ZCWPW2: variants seen among roughly 807,000 people sequenced by gnomAD.
The protein encoded by ZCWPW2 is zinc finger CW-type and PWWP domain containing 2.
ZCWPW2 carries 45 observed loss-of-function variants against 46.6 expected under a neutral mutation model. The observed-to-expected ratio is 0.96, with a 90% CI of 0.76 to 1.24. ZCWPW2 has a LOEUF of 1.24. Among genes scored for constraint, ZCWPW2 ranks in the 50% most tolerant of loss-of-function variants. ZCWPW2 has a pLI of 0.00. For missense variants in ZCWPW2, 429 were observed against 403.9 expected (o/e 1.06, Z -0.53); for synonymous variants, 152 against 137.1 (o/e 1.11, Z -0.76).
At chr3:28,425,888 T>A (rs1696988142) in intron 3 of ZCWPW2, among the ~76,000 whole-genome samples, 1 of 152,128 alleles carries the variant, frequency 6.6e-6, no homozygotes, top group Admixed American at 6.6e-5. Context: ...GGCGGGAGGA[T>A]CACCTGAGGT....
chr3:28,517,130 CCTTCT>C (rs1700595742), intron 8 of ZCWPW2, among the ~76,000 whole-genome samples: 1 of 152,126 alleles, frequency 6.6e-6, no homozygotes, highest in South Asian at 2.1e-4. Context: ...TCCTCATCAC[CCTTCT>C]CTTTTATTAA....
intron 4 of ZCWPW2, among the ~76,000 whole-genome samples, chr3:28,443,416 A>G (rs935656760): frequency 6.6e-6 from 1 of 152,114 alleles, no homozygotes; most frequent in African/African-American, 2.4e-5. Context: ...AAGTCTGGAA[A>G]TTGATTGAGG....
rs920918884 is a variant in ZCWPW2, at chr3:28,392,635, G to A, written c.-14+2018G>A. ...ATAATTTCTGACCACAATGGTATAA[G>A]ATCAGGAACCAATAACAGGAAGAAT... is the stretch of plus-strand genomic sequence containing the variant. On this transcript the variant is annotated intron_variant, in intron 2 of 9. Transcript: ENST00000383768. Among the ~76,000 whole-genome samples the A allele has an allele frequency of 3.3e-5, 5 of 152,030 alleles. No homozygotes were observed. The East Asian group carries it at 9.6e-4, about 29-fold the overall frequency.
At chr3:28,466,889 G>A (rs1698845130) in intron 4 of ZCWPW2, among the ~76,000 whole-genome samples, 1 of 152,230 alleles carries the variant, frequency 6.6e-6, no homozygotes, top group Admixed American at 6.5e-5. Context: ...TATGGAAGAT[G>A]TCAGTTCTCC....
intron 4 of ZCWPW2, among the ~76,000 whole-genome samples, chr3:28,454,000 A>G (rs1273378815): frequency 6.6e-6 from 1 of 150,870 alleles, no homozygotes; most frequent in Non-Finnish European, 1.5e-5. Flanking sequence ...ACCCGCCACC[A>G]CGCCCGGCTA....
intron 4 of ZCWPW2, among the ~76,000 whole-genome samples, chr3:28,453,713 A>G (rs1029065338): frequency 1.3e-5 from 2 of 152,112 alleles, no homozygotes; most frequent in African/African-American, 4.8e-5. Context: ...ATAGCTGGAG[A>G]GTAACTTCTT....
chr3:28,417,599 C>G (rs1250702594), intron 3 of ZCWPW2, among the ~76,000 whole-genome samples: 1 of 148,176 alleles, frequency 6.7e-6, no homozygotes, highest in South Asian at 2.2e-4. Flanking sequence ...TGATGAACAT[C>G]GATGCAGAAA....
chr3:28,412,293 A>T (rs1696431703), intron 2 of ZCWPW2, among the ~76,000 whole-genome samples: 1 of 151,808 alleles, frequency 6.6e-6, no homozygotes, highest in African/African-American at 2.4e-5. Flanking sequence ...AACTTTTTAT[A>T]TGTTTAAAAT....
intron 6 of ZCWPW2, among the ~76,000 whole-genome samples, chr3:28,503,470 C>A (rs749459450): frequency 6.6e-6 from 1 of 152,092 alleles, no homozygotes; most frequent in Non-Finnish European, 1.5e-5. Context: ...ATTTCTTGCT[C>A]ACCATCATCA....
intron 3 of ZCWPW2, among the ~76,000 whole-genome samples, chr3:28,421,212 G>A (rs878913669): frequency 6.6e-6 from 1 of 152,046 alleles, no homozygotes; most frequent in Non-Finnish European, 1.5e-5. Flanking sequence ...GAGAGTTCAA[G>A]CTCCCCACTC....
intron 2 of ZCWPW2, among the ~76,000 whole-genome samples, chr3:28,407,167 A>C (rs1696198213): frequency 6.6e-6 from 1 of 152,154 alleles, no homozygotes; most frequent in Admixed American, 6.6e-5. Context: ...CACCTTGGTA[A>C]AGTGAACTAC....
intron 6 of ZCWPW2, among the ~76,000 whole-genome samples, chr3:28,506,717 C>G (rs1468500539): frequency 6.6e-6 from 1 of 152,026 alleles, no homozygotes; most frequent in Non-Finnish European, 1.5e-5. Context: ...ATACATTTCT[C>G]TTGTTTTTCC....
At chr3:28,474,849 A>T (rs139567922) in intron 4 of ZCWPW2, among the ~76,000 whole-genome samples, 3 of 151,662 alleles carry the variant, frequency 2.0e-5, no homozygotes, top group African/African-American at 7.3e-5. Flanking sequence ...TGTTTGTTTG[A>T]GACGGAGTCT....
At chr3:28,390,426 A>T in intron 1 of ZCWPW2, 72 bp from the exon 2 acceptor site, 1 of 960,916 alleles carries the variant, frequency 1.0e-6, no homozygotes, top group Middle Eastern at 5.4e-4. Context: ...ATTTCAAATA[A>T]TTCTTTATTA....
At chr3:28,420,948 AAAAT>A (rs1205922661) in intron 3 of ZCWPW2, among the ~76,000 whole-genome samples, 1 of 152,092 alleles carries the variant, frequency 6.6e-6, no homozygotes, top group Non-Finnish European at 1.5e-5. Flanking sequence ...TCAGCTTTTA[AAAAT>A]ATTGTATTTT....
intron 8 of ZCWPW2, 99 bp downstream of exon 8, chr3:28,515,720 TG>T: frequency 1.8e-6 from 1 of 549,786 alleles, no homozygotes; most frequent in Middle Eastern, 4.3e-4. Flanking sequence ...ATTTCCTGTG[TG>T]TGTGTGTGTG....
intron 6 of ZCWPW2, among the ~76,000 whole-genome samples, chr3:28,501,229 C>A (rs1208871822): frequency 3.9e-5 from 6 of 152,066 alleles, no homozygotes; most frequent in African/African-American, 1.2e-4. Context: ...AAGGAAACAG[C>A]ATTGTGCAAA....
intron 6 of ZCWPW2, among the ~76,000 whole-genome samples, chr3:28,498,490 A>G (rs1700055203): frequency 6.6e-6 from 1 of 151,976 alleles, no homozygotes; most frequent in Non-Finnish European, 1.5e-5. Flanking sequence ...AATTATAATA[A>G]CATATAGTTA....
chr3:28,499,156 T>C (rs1259396073), intron 6 of ZCWPW2, among the ~76,000 whole-genome samples: 4 of 152,204 alleles, frequency 2.6e-5, no homozygotes, highest in Non-Finnish European at 5.9e-5. Context: ...CCTTTGGGTA[T>C]ATACCCAGTA....
Sources: allele counts gnomAD v4.1 joint callset (sites outside exome capture counted in the v4.1 genomes callset), GRCh38; gene constraint gnomAD v4.1.1; transcripts MANE v1.5; gene names NCBI Gene and HGNC (gene_info 2026-07-23, HGNC 2026-07-21).